BEST1: variants seen among roughly 807,000 people sequenced by gnomAD.
BEST1 encodes the protein bestrophin-1.
Under a neutral mutation model 63.3 loss-of-function variants are expected in BEST1, and 58 were observed. The observed-to-expected ratio is 0.92, with a 90% CI of 0.74 to 1.14. The LOEUF (loss-of-function observed/expected upper bound fraction) is 1.14, where lower values mean the gene tolerates loss of function less well. BEST1 is among the 50% of genes most tolerant of loss of function. The pLI is 0.00. For missense variants in BEST1, 671 were observed against 740.1 expected, an observed-to-expected ratio of 0.91 and a Z score of 1.08; for synonymous variants, 283 against 291.6, an observed-to-expected ratio of 0.97 and a Z score of 0.30.
intron 7 of BEST1, chr11:61,958,793 C>T (rs967394277): frequency 1.1e-4 from 38 of 332,446 alleles, no homozygotes; most frequent in African/African-American, 6.9e-4. Flanking sequence ...GTTGCCCACC[C>T]ACTCTCTCTC....
rs1334619583 is a variant in BEST1, at chr11:61,962,487, T to C, written c.1333T>C (p.Trp445Arg). The C allele has an allele frequency of 1.2e-6, 2 of 1,614,066 alleles. No homozygotes were observed. Among genetic ancestry groups the C allele is most frequent in the African/African-American group, 1.3e-5 (1 of 74,934 alleles). Residue 445 changes from tryptophan (W) to arginine (R), a missense_variant, in exon 10 of 11, where the codon TGG (tryptophan) becomes CGG (arginine). Trp to Arg is a moderately radical substitution (Grantham distance 101). Transcript: ENST00000378043. ...NVRGQEDNKA[W>R]KLKAVDAFKS... is the part of the protein sequence containing the mutation. ...TAGGGGCCAGGAAGACAACAAGGCC[T>C]GGAAGCTTAAGGCTGTGGACGCCTT...
intron 2 of BEST1, 146 bp from the exon 3 acceptor site, chr11:61,954,961 G>A: frequency 6.7e-7 from 1 of 1,500,646 alleles, no homozygotes; most frequent in Non-Finnish European, 8.9e-7. Context: ...ACCTGGCTCA[G>A]GCCTCAGGAG....
rs373950010 is a variant in BEST1 at position 61,951,905 on chromosome 11, T to C, written c.99T>C (p.Tyr33=). 27 of 1,613,716 alleles carry C rather than the reference T, an allele frequency of 1.7e-5. No individual in the cohort carries two copies. The Admixed American group carries it at 2.0e-4, about 12-fold the overall frequency. The change falls in exon 2 of 11, where the codon TAT becomes TAC. Residue 33 remains tyrosine, a synonymous_variant. Coordinates refer to ENST00000378043, the MANE Select transcript of BEST1 (RefSeq NM_004183.4). ...CWRGSIYKLL[Y]GEFLIFLLCY... is the part of the protein sequence containing the mutation. ...GGGGCAGCATCTACAAGCTGCTATA[T>C]GGCGAGTTCTTAATCTTCCTGCTCT... is the stretch of plus-strand genomic sequence containing the variant.
downstream of BEST1, chr11:61,965,500 G>A (rs755308814): frequency 3.1e-6 from 5 of 1,602,040 alleles, no homozygotes; most frequent in East Asian, 2.2e-5. Flanking sequence ...ACATCATCGC[G>A]GTCAAAGTAG....
rs201614090 is a variant in BEST1, at chr11:61,957,345, C to T, written c.637-42C>T. Reference sequence around the variant, plus strand: ...GGTGGGGGCGAGCCCAGGGTGGGGGCAGGTGGTGTTCAGAACCCCATCCCC... The same window carrying T: ...GGTGGGGGCGAGCCCAGGGTGGGGGTAGGTGGTGTTCAGAACCCCATCCCC... On this transcript the variant is annotated intron_variant, in intron 5 of 10. Transcript: ENST00000378043. 37 of 1,564,292 alleles carry T rather than the reference C, an allele frequency of 2.4e-5. 1 individual carries two copies. In the African/African-American group the frequency reaches 2.7e-4, roughly 11 times the overall value.
intron 1 of BEST1, 69 bp downstream of exon 1, chr11:61,950,496 G>C (rs1218589962): frequency 1.3e-5 from 2 of 152,716 alleles, no homozygotes; most frequent in Admixed American, 6.5e-5. Context: ...TGGCCATCTT[G>C]CGTATTTGTG....
intron 9 of BEST1, 61 bp from the exon 10 acceptor site, chr11:61,962,194 T>G (rs1165964949): frequency 1.3e-6 from 2 of 1,584,250 alleles, no homozygotes; most frequent in South Asian, 1.1e-5. Flanking sequence ...AAGGGAGAAG[T>G]AAGGCCAGGT....
Position 61,962,360 on chromosome 11 carries a change from T to C in BEST1, c.1206T>C (p.His402=), listed in dbSNP as rs764148803. ...TAGGCCTGCAGTCCCATGATCACCA[T>C]CCTCCCAGGGCAAACTCAAGGACCA... ...RFLGLQSHDH[H]PPRANSRTKL... is the part of the protein sequence containing the mutation. Residue 402 remains histidine, a synonymous_variant, in exon 10 of 11, where the codon CAT becomes CAC. Transcript: ENST00000378043. 2 of 1,613,986 alleles carry C rather than the reference T, an allele frequency of 1.2e-6. No individual in the cohort carries two copies. The highest frequency in any genetic ancestry group is 1.7e-6 in the Non-Finnish European group (2 of 1,179,976).
Position 61,962,744 on chromosome 11 carries a change from TC to T in BEST1, c.1591del (p.Gln531LysfsTer2). ...CCTTGATGGAGCACCCAGAAGTATC[TC>T]AAGTGAGGAGGAAAACTGTGGAGTT... ...GALMEHPEVS[Q>X]VRRKTVEFNL... On this transcript the variant is annotated frameshift_variant, in exon 10 of 11. Coordinates refer to ENST00000378043, the MANE Select transcript of BEST1 (RefSeq NM_004183.4). LOFTEE classifies it high-confidence loss of function. 1 of 1,614,184 alleles carries T rather than the reference TC, an allele frequency of 6.2e-7. No homozygotes were observed.
In BEST1 at chr11:61,962,756, G is replaced by A. The variant is rs1191222475; in HGVS notation, c.1602G>A (p.Arg534=). The A allele has an allele frequency of 6.2e-7, 1 of 1,614,182 alleles. No homozygotes were observed. The highest frequency in any genetic ancestry group is 1.7e-5 in the Admixed American group (1 of 60,012). Residue 534 remains arginine (R), a synonymous_variant, in exon 10 of 11, where the codon AGG becomes AGA. Coordinates refer to ENST00000378043, the MANE Select transcript of BEST1 (RefSeq NM_004183.4). ...MEHPEVSQVR[R]KTVEFNLTDM... The stretch of plus-strand genomic sequence containing the variant: ...ACCCAGAAGTATCTCAAGTGAGGAG[G>A]AAAACTGTGGAGTTTAACCTGACGG...
At chr11:61,963,381 G>C in intron 10 of BEST1, 1 of 1,252,830 alleles carries the variant, frequency 8.0e-7, no homozygotes, top group East Asian at 3.1e-5. Context: ...CTAGGAACTG[G>C]TAGATGGTGA....
chr11:61,956,077 G>A (rs1218845187), intron 4 of BEST1, 126 bp downstream of exon 4: 2 of 1,022,672 alleles, frequency 2.0e-6, no homozygotes, highest in Non-Finnish European at 2.8e-6. Context: ...AGCCAGGAGT[G>A]GGGTGTAGTC....
intron 4 of BEST1, among the ~76,000 whole-genome samples, chr11:61,956,222 G>A (rs1356451315): frequency 6.6e-6 from 1 of 152,020 alleles, no homozygotes; most frequent in African/African-American, 2.4e-5. Context: ...GAAGGGTGAC[G>A]GCTTGGGAAC....
intron 9 of BEST1, chr11:61,960,320 T>A: frequency 1.8e-6 from 1 of 542,160 alleles, no homozygotes; most frequent in Non-Finnish European, 3.3e-6. Flanking sequence ...GGACAGCCTG[T>A]GATCAGTGAT....
At chr11:61,960,369 CTA>C (rs2134458089) in intron 9 of BEST1, 3 of 427,652 alleles carry the variant, frequency 7.0e-6, no homozygotes, top group South Asian at 5.0e-5. Flanking sequence ...TCATCCAGAA[CTA>C]TGTTTTCTTT....
downstream of BEST1, chr11:61,964,563 C>G: frequency 1.2e-6 from 1 of 822,992 alleles, no homozygotes; most frequent in Non-Finnish European, 1.9e-6. Flanking sequence ...AAAGACAACA[C>G]CTGGGTACCA....
In BEST1 at chr11:61,955,701, C is replaced by A; in HGVS notation, c.248-17C>A. 6.5e-7 allele frequency: 1 copy of A among 1,543,796 alleles called. No individual in the cohort carries two copies. Among genetic ancestry groups the A allele is most frequent in the Non-Finnish European group, 8.7e-7 (1 of 1,143,112 alleles). ...AGCCTGGCCCCTCGCCCCTCGCCCC[C>A]CGCCCCTCCTGCCCAGGCTTCTACG... On this transcript the variant is annotated splice_polypyrimidine_tract_variant and intron_variant, in intron 3 of 10. Coordinates refer to ENST00000378043, the MANE Select transcript of BEST1 (RefSeq NM_004183.4).
intron 10 of BEST1, chr11:61,963,258 G>T: frequency 7.3e-7 from 1 of 1,376,352 alleles, no homozygotes; most frequent in South Asian, 2.0e-5. Context: ...AAGGGTGGCT[G>T]ACCCAAAACC....
chr11:61,955,784 G>A lies in BEST1; in HGVS notation c.314G>A (p.Arg105His). ...TACGAGAACCTGCCGTGGCCCGACCGCCTCATGAGCCTGGTGTCGGGCTTC... is the reference window on the plus strand; with the variant it reads ...TACGAGAACCTGCCGTGGCCCGACCACCTCATGAGCCTGGTGTCGGGCTTC... ...NQYENLPWPD[R>H]LMSLVSGFVE... The change falls in exon 4 of 11, where the codon CGC (arginine) becomes CAC (histidine). Residue 105 changes from arginine (R) to histidine (H), a missense_variant. Physicochemically the swap from Arg to His is conservative, Grantham distance 29. Coordinates refer to ENST00000378043, the MANE Select transcript of BEST1 (RefSeq NM_004183.4). The A allele has an allele frequency of 6.5e-7, 1 of 1,549,146 alleles. No homozygotes were observed. The highest frequency in any genetic ancestry group is 8.7e-7 in the Non-Finnish European group (1 of 1,146,486).
Sources: gnomAD v4.1 joint callset for allele counts (sites outside exome capture counted in the v4.1 genomes callset) on GRCh38, gnomAD v4.1.1 for gene constraint, MANE v1.5 for transcripts, NCBI Gene and HGNC (gene_info 2026-07-23, HGNC 2026-07-21) for gene names.